The following KLHL6 variants were observed in gnomAD, a reference collection of about 807,000 sequenced individuals.
The protein encoded by KLHL6 is kelch-like protein 6.
Under a neutral mutation model 58.6 loss-of-function variants are expected in KLHL6, and 41 were observed. The ratio of observed to expected loss-of-function variants is 0.70; its 90% CI spans 0.55 to 0.91. The LOEUF (loss-of-function observed/expected upper bound fraction) is 0.91. Among genes scored for constraint, KLHL6 ranks in the 40% least tolerant of loss-of-function variants. The probability of loss-of-function intolerance (pLI) is 0.00; values close to 1 mark genes in which losing one functional copy is unlikely to be tolerated. For synonymous variants in KLHL6, 338 were observed against 322.7 expected, an observed-to-expected ratio of 1.05 and a Z score of -0.51; for missense variants, 714 against 805.6, an observed-to-expected ratio of 0.89 and a Z score of 1.38.
chr3:183,532,318 C>T (rs1167642381), intron 1 of KLHL6, among the ~76,000 whole-genome samples: 4 of 152,162 alleles, frequency 2.6e-5, no homozygotes, highest in Non-Finnish European at 5.9e-5. Context: ...TCACCAGAAA[C>T]CAGATCATGC....
chr3:183,526,425 C>A (rs1711971143), intron 2 of KLHL6, among the ~76,000 whole-genome samples: 1 of 152,204 alleles, frequency 6.6e-6, no homozygotes, highest in African/African-American at 2.4e-5. Context: ...TTTTCTCTGT[C>A]TGAGACTTCA....
At position 183,534,102 on chromosome 3, in the gene KLHL6, TTTAAAAGTAC is replaced by T. The variant is rs1433616914; in HGVS notation, c.294-6102_294-6093del. 1.3e-3 allele frequency among the ~76,000 whole-genome samples: 177 copies of T among 140,992 alleles called. 1 individual carries two copies. Among genetic ancestry groups the T allele is most frequent in the African/African-American group, 4.5e-3 (158 of 35,498 alleles). The allele number at this position is 140,992 out of a possible 152,430, so 92.5% of individuals were successfully genotyped here. A position where few individuals can be genotyped will look rare whatever the true frequency, so the allele number is the denominator to read the frequency against. On this transcript the variant is annotated intron_variant, in intron 1 of 6. Coordinates refer to ENST00000341319, the MANE Select transcript of KLHL6 (RefSeq NM_130446.4). ...TAAAAGTACTTTACTTTTAAAGTAC[TTTAAAAGTAC>T]TTTACTTTTAAAGTACTTTGTACTT...
intron 1 of KLHL6, among the ~76,000 whole-genome samples, chr3:183,542,252 A>G (rs947218455): frequency 6.6e-6 from 1 of 152,118 alleles, no homozygotes; most frequent in African/African-American, 2.4e-5. Flanking sequence ...GAGATCTTGG[A>G]TCACATCTCT....
At position 183,492,515 on chromosome 3, in the gene KLHL6, G is replaced by T; in HGVS notation, c.1543C>A (p.Arg515=). The T allele has an allele frequency of 1.2e-6, 2 of 1,614,174 alleles. No individual in the cohort carries two copies. The highest frequency in any genetic ancestry group is 1.7e-6 in the Non-Finnish European group (2 of 1,180,030). ...TCACCAACGACATAGATGCGGTCCCGGAAACTCACTGCATTGATGCATTTA... is the reference window on the plus strand; with the variant it reads ...TCACCAACGACATAGATGCGGTCCCTGAAACTCACTGCATTGATGCATTTA... ...EAKCINAVSF[R]DRIYVVGGAM... is the part of the protein sequence containing the mutation. Residue 515 remains arginine (R), a synonymous_variant, in exon 6 of 7, where the codon CGG becomes AGG. Coordinates refer to ENST00000341319, the MANE Select transcript of KLHL6 (RefSeq NM_130446.4). This position sits in a 1 kb window ranked among gnomAD's most constrained non-coding sequence, Gnocchi z 5.9.
Position 183,491,718 on chromosome 3 carries a change from C to T in KLHL6, c.*209G>A, listed in dbSNP as rs1717558629. The T allele has an allele frequency of 9.4e-6, 4 of 424,042 alleles. No individual in the cohort carries two copies. The highest frequency in any genetic ancestry group is 1.6e-5 in the Non-Finnish European group (4 of 243,208). The allele number at this position is 424,042 out of a possible 1,614,324, so 26.3% of individuals were successfully genotyped here. A position where few individuals can be genotyped will look rare whatever the true frequency, so the allele number is the denominator to read the frequency against. On this transcript the variant is annotated 3_prime_UTR_variant, in exon 7 of 7. Coordinates refer to ENST00000341319, the MANE Select transcript of KLHL6 (RefSeq NM_130446.4). ...CTAAATATTACTCTTCCTCGCCTCCCCTCCTGAGGTAGGTCATGCAAACAT... is the reference window on the plus strand; with the variant it reads ...CTAAATATTACTCTTCCTCGCCTCCTCTCCTGAGGTAGGTCATGCAAACAT...
In KLHL6 at chr3:183,494,008, G is replaced by A. The variant is rs541048255; in HGVS notation, c.1350+71C>T. The A allele has an allele frequency of 9.6e-5, 135 of 1,410,622 alleles. No homozygotes were observed. In the African/African-American group the frequency reaches 1.6e-3, roughly 17 times the overall value. 87.4% of individuals were successfully genotyped at this position (1,410,622 alleles called of 1,614,324 possible). ...GAAAGCTGACCACCACGGCAGGCAC[G>A]TTCCAAAGCTTTTTAAAAAAGCACT... On this transcript the variant is annotated intron_variant, in intron 5 of 6. Coordinates refer to ENST00000341319, the MANE Select transcript of KLHL6 (RefSeq NM_130446.4).
At chr3:183,544,269 C>T (rs1212522010) in intron 1 of KLHL6, among the ~76,000 whole-genome samples, 1 of 151,252 alleles carries the variant, frequency 6.6e-6, no homozygotes, top group East Asian at 2.0e-4. Context: ...AGAATGCTAA[C>T]CTTTACAGCT....
intron 4 of KLHL6, among the ~76,000 whole-genome samples, chr3:183,495,670 A>G (rs1233311087): frequency 6.6e-6 from 1 of 152,050 alleles, no homozygotes; most frequent in African/African-American, 2.4e-5. Context: ...GTTAATCTAT[A>G]TACTCAGTGC....
intron 3 of KLHL6, among the ~76,000 whole-genome samples, chr3:183,503,934 C>A (rs1228955263): frequency 1.3e-5 from 2 of 152,174 alleles, no homozygotes; most frequent in African/African-American, 2.4e-5. Flanking sequence ...CAAGACCATT[C>A]CAGCAGGGAG....
rs59579259 is a variant in KLHL6 at position 183,531,443 on chromosome 3, G to GTTTTT, written c.294-3438_294-3434dup. Among the ~76,000 whole-genome samples the GTTTTT allele has an allele frequency of 3.4e-3, 311 of 90,284 alleles. 14 individuals are homozygous for GTTTTT. Among genetic ancestry groups the GTTTTT allele is most frequent in the African/African-American group, 0.013 (265 of 20,618 alleles). 59.2% of individuals were successfully genotyped at this position (90,284 alleles called of 152,430 possible). On this transcript the variant is annotated intron_variant, in intron 1 of 6. Coordinates refer to ENST00000341319, the MANE Select transcript of KLHL6 (RefSeq NM_130446.4). The stretch of plus-strand genomic sequence containing the variant: ...TTCTTTCTGTTCTTTTTTTGTCTGT[G>GTTTTT]TTTTTTTTTTTTTTTTTTTTTTTTG...
intron 2 of KLHL6, among the ~76,000 whole-genome samples, chr3:183,519,142 G>A (rs570174320): frequency 2.3e-4 from 35 of 152,312 alleles, no homozygotes; most frequent in Admixed American, 1.3e-3. Flanking sequence ...GTTGCTCCAC[G>A]TCCCCTGTAG....
At chr3:183,526,115 C>T (rs1711957183) in intron 2 of KLHL6, among the ~76,000 whole-genome samples, 1 of 152,046 alleles carries the variant, frequency 6.6e-6, no homozygotes, top group African/African-American at 2.4e-5. Context: ...CGAGACCAGC[C>T]TGGCCAACAT....
At position 183,508,439 on chromosome 3, in the gene KLHL6, T is replaced by C; in HGVS notation, c.529A>G (p.Ile177Val). The C allele has an allele frequency of 6.2e-7, 1 of 1,614,204 alleles. No individual in the cohort carries two copies. The highest frequency in any genetic ancestry group is 8.5e-7 in the Non-Finnish European group (1 of 1,180,038). The part of the protein sequence containing the change: ...EALNPENCVG[I>V]LRLADTHSLD... ...GAGTGTGTGTCAGCCAGCCTCAGTA[T>C]TCCAACGCAGTTTTCTGGGTTCAAG... The change falls in exon 3 of 7, where the codon ATA (isoleucine) becomes GTA (valine). Residue 177 changes from isoleucine to valine, a missense_variant. By Grantham distance (29) the Ile-to-Val change is conservative (BLOSUM62 3). Coordinates refer to ENST00000341319, the MANE Select transcript of KLHL6 (RefSeq NM_130446.4).
chr3:183,490,587 A>C lies in KLHL6; in HGVS notation c.*1340T>G, dbSNP rs1246293698. 1 of 152,112 alleles carries C rather than the reference A, an allele frequency of 6.6e-6. No individual in the cohort carries two copies. Among genetic ancestry groups the C allele is most frequent in the African/African-American group, 2.4e-5 (1 of 41,422 alleles). The allele number at this position is 152,112 out of a possible 1,614,324, so 9.4% of individuals were successfully genotyped here. A position where few individuals can be genotyped will look rare whatever the true frequency, so the allele number is the denominator to read the frequency against. On this transcript the variant is annotated 3_prime_UTR_variant, in exon 7 of 7. Coordinates refer to ENST00000341319, the MANE Select transcript of KLHL6 (RefSeq NM_130446.4). Reference sequence around the variant, plus strand: ...TTCGGGAGGCCGAGGCGGGCAGATCACAAGGTCAGGCGTTCAAGACCAGCC... The same window carrying C: ...TTCGGGAGGCCGAGGCGGGCAGATCCCAAGGTCAGGCGTTCAAGACCAGCC...
intron 1 of KLHL6, among the ~76,000 whole-genome samples, chr3:183,533,243 A>G (rs1444943188): frequency 1.3e-5 from 2 of 151,578 alleles, no homozygotes; most frequent in African/African-American, 2.4e-5. Flanking sequence ...CTGGAAATCA[A>G]TCATCAGTTC....
chr3:183,505,480 C>T (rs537557249), intron 3 of KLHL6, among the ~76,000 whole-genome samples: 3 of 151,832 alleles, frequency 2.0e-5, no homozygotes, highest in South Asian at 4.2e-4. Context: ...TAAGAAACTA[C>T]AGAAATAAGT....
At chr3:183,540,325 G>A (rs1040791403) in intron 1 of KLHL6, among the ~76,000 whole-genome samples, 5 of 152,158 alleles carry the variant, frequency 3.3e-5, no homozygotes, top group Non-Finnish European at 5.9e-5. Context: ...AGGAAAGCGG[G>A]ACTAAGAAGG....
chr3:183,521,400 C>G (rs1711753389), intron 2 of KLHL6: 1 of 152,412 alleles, frequency 6.6e-6, no homozygotes. Flanking sequence ...CAGTCTTGCC[C>G]CCGACACACT....
chr3:183,529,638 T>C (rs73190806), intron 1 of KLHL6, among the ~76,000 whole-genome samples: 2,503 of 152,180 alleles, frequency 0.016, 30 homozygotes, highest in Non-Finnish European at 0.025. Context: ...AAGACCAGTC[T>C]GGCCAACATG....
Sources: allele counts gnomAD v4.1 joint callset (sites outside exome capture counted in the v4.1 genomes callset), GRCh38; gene constraint gnomAD v4.1.1; non-coding constraint Gnocchi (gnomAD v3.1); transcripts MANE v1.5; gene names NCBI Gene and HGNC (gene_info 2026-07-23, HGNC 2026-07-21).